QPCTL: variants seen among roughly 807,000 people sequenced by gnomAD.
QPCTL encodes the protein glutaminyl-peptide cyclotransferase like, also known as glutaminyl-peptide cyclotransferase-like protein.
Under a neutral mutation model 34.6 loss-of-function variants are expected in QPCTL, and 31 were observed. That is an observed-to-expected ratio of 0.90 (90% CI 0.67 to 1.21). The LOEUF (loss-of-function observed/expected upper bound fraction) is 1.21, where lower values mean the gene tolerates loss of function less well. Ranked by LOEUF, QPCTL falls within the 50% of genes most tolerant of loss-of-function variation. The probability of loss-of-function intolerance (pLI) is 0.00; values close to 1 mark genes in which losing one functional copy is unlikely to be tolerated. For synonymous variants in QPCTL, 223 were observed against 226.9 expected (o/e 0.98, Z 0.15); for missense variants, 474 against 507.8 (o/e 0.93, Z 0.64).
At position 45,698,879 on chromosome 19, in the gene QPCTL, T is replaced by C. The variant is rs780321628; in HGVS notation, c.865T>C (p.Phe289Leu). 2 of 1,613,930 alleles carry C rather than the reference T, an allele frequency of 1.2e-6. No individual in the cohort carries two copies. The highest frequency in any genetic ancestry group is 1.7e-6 in the Non-Finnish European group (2 of 1,179,860). ...CCACTTCCCTCGCACGGTCCGCTGG[T>C]TCCATCGGCTGAGGAGCATTGGTAA... The part of the protein sequence containing the change: ...YSHFPRTVRW[F>L]HRLRSIEKRL... The change falls in exon 5 of 7, where the codon TTC becomes CTC. Residue 289 changes from phenylalanine to leucine, a missense_variant. Physicochemically the swap from Phe to Leu is conservative, Grantham distance 22 (BLOSUM62 0). Transcript: ENST00000012049.
chr19:45,695,348 A>C, intron 2 of QPCTL, 89 bp from the exon 3 acceptor site: 1 of 1,250,280 alleles, frequency 8.0e-7, no homozygotes, highest in African/African-American at 1.5e-5. Flanking sequence ...GTGTCAACCC[A>C]TCTGCTCTGC....
In QPCTL at chr19:45,703,338, T is replaced by C. The variant is rs1967844899; in HGVS notation, c.*289T>C. Reference sequence around the variant, plus strand: ...GGTTTGCAGGGACCAAATACTGTTCTTTTTTTTTTTGAGACGGAGTCTCAC... The same window carrying C: ...GGTTTGCAGGGACCAAATACTGTTCCTTTTTTTTTTGAGACGGAGTCTCAC... On this transcript the variant is annotated 3_prime_UTR_variant, in exon 7 of 7. Coordinates refer to ENST00000012049, the MANE Select transcript of QPCTL (RefSeq NM_017659.4). The C allele has an allele frequency of 7.4e-6, 1 of 134,344 alleles. No homozygotes were observed. Among genetic ancestry groups the C allele is most frequent in the Non-Finnish European group, 1.5e-5 (1 of 68,930 alleles). The allele number at this position is 134,344 out of a possible 1,614,324, so 8.3% of individuals were successfully genotyped here. A position where few individuals can be genotyped will look rare whatever the true frequency, so the allele number is the denominator to read the frequency against.
chr19:45,694,459 T>TTTTTATTTTA lies in QPCTL; in HGVS notation c.351+923_351+932dup, dbSNP rs148422945. Reference sequence around the variant, plus strand: ...AGATTGTGACCTTGGACTGGTTTCTTTTTTATTTTATTTTATTTTATTTTA... The same window carrying TTTTTATTTTA: ...AGATTGTGACCTTGGACTGGTTTCTTTTTTATTTTATTTTATTTTATTTTATTTTATTTTA... On this transcript the variant is annotated intron_variant, in intron 2 of 6. Coordinates refer to ENST00000012049, the MANE Select transcript of QPCTL (RefSeq NM_017659.4). Among the ~76,000 whole-genome samples, 817 of 149,466 alleles carry TTTTTATTTTA rather than the reference T, an allele frequency of 5.5e-3. 5 individuals carry two copies. The highest frequency in any genetic ancestry group is 0.015 in the South Asian group (72 of 4,662).
rs559217074 is a variant in QPCTL, at chr19:45,695,821, C to T, written c.633+103C>T. The T allele has an allele frequency of 9.6e-4, 1,262 of 1,310,690 alleles. 18 individuals are homozygous for T. The South Asian group carries it at 0.012, about 12-fold the overall frequency. The allele number at this position is 1,310,690 out of a possible 1,614,324, so 81.2% of individuals were successfully genotyped here. A position where few individuals can be genotyped will look rare whatever the true frequency, so the allele number is the denominator to read the frequency against. On this transcript the variant is annotated intron_variant, in intron 3 of 6. Coordinates refer to ENST00000012049, the MANE Select transcript of QPCTL (RefSeq NM_017659.4). ...TTGTCATCCCTCTCGTCTTCCCACT[C>T]TACTCCACGCACAGAGCCACAGGGA... is the stretch of plus-strand genomic sequence containing the variant.
At position 45,693,455 on chromosome 19, in the gene QPCTL, G is replaced by T. The variant is rs751872773; in HGVS notation, c.250G>T (p.Val84Leu). 1.2e-6 allele frequency: 2 copies of T among 1,613,208 alleles called. No individual in the cohort carries two copies. The highest frequency in any genetic ancestry group is 1.7e-6 in the Non-Finnish European group (2 of 1,179,524). The change falls in exon 2 of 7, where the codon GTG becomes TTG. Residue 84 changes from valine to leucine, a missense_variant. Physicochemically the swap from Val to Leu is conservative, Grantham distance 32. Coordinates refer to ENST00000012049, the MANE Select transcript of QPCTL (RefSeq NM_017659.4). ...CCTCCCCGAAGCCCGGCTGCGGAGG[G>T]TGGTGGGACAACTGGATCCACAGCG... ...GSLPEARLRR[V>L]VGQLDPQRLW...
At chr19:45,696,364 G>T (rs566156482) in intron 3 of QPCTL, among the ~76,000 whole-genome samples, 1 of 151,762 alleles carries the variant, frequency 6.6e-6, no homozygotes, top group Admixed American at 6.6e-5. Context: ...AGGTTGAGGT[G>T]GGTGGATCAC....
At position 45,695,660 on chromosome 19, in the gene QPCTL, C is replaced by G. The variant is rs778413370; in HGVS notation, c.575C>G (p.Ala192Gly). The change falls in exon 3 of 7, where the codon GCC (alanine) becomes GGC (glycine). Residue 192 changes from alanine to glycine, a missense_variant. Physicochemically the swap from Ala to Gly is moderately conservative, Grantham distance 60. Coordinates refer to ENST00000012049, the MANE Select transcript of QPCTL (RefSeq NM_017659.4). ...GCCACGGATTCGGCTGTGCCCTGTG[C>G]CCTGCTGCTGGAGCTGGCCCAAGCA... The part of the protein sequence containing the change: ...VGATDSAVPC[A>G]LLLELAQALD... 1 of 1,613,684 alleles carries G rather than the reference C, an allele frequency of 6.2e-7. No homozygotes were observed. The highest frequency in any genetic ancestry group is 2.2e-5 in the East Asian group (1 of 44,844).
At chr19:45,702,808 T>G in intron 6 of QPCTL, 96 bp from the exon 7 acceptor site, 3 of 1,398,358 alleles carry the variant, frequency 2.1e-6, no homozygotes, top group Non-Finnish European at 3.0e-6. Context: ...TTCACCAGTG[T>G]GTGGTGGCAA....
Position 45,703,163 on chromosome 19 carries a change from T to C in QPCTL, c.*114T>C. Reference sequence around the variant, plus strand: ...TGCTGGTTTGTCCTTTTCATACCTTTGTCTCCTAATTGTGCTACAATTGGA... The same window carrying C: ...TGCTGGTTTGTCCTTTTCATACCTTCGTCTCCTAATTGTGCTACAATTGGA... On this transcript the variant is annotated 3_prime_UTR_variant, in exon 7 of 7. Coordinates refer to ENST00000012049, the MANE Select transcript of QPCTL (RefSeq NM_017659.4). 1 of 1,315,944 alleles carries C rather than the reference T, an allele frequency of 7.6e-7. No individual in the cohort carries two copies. The highest frequency in any genetic ancestry group is 1.1e-6 in the Non-Finnish European group (1 of 948,484). The allele number at this position is 1,315,944 out of a possible 1,614,324, so 81.5% of individuals were successfully genotyped here.
At chr19:45,698,766 G>T (rs1392552648) in intron 4 of QPCTL, 35 bp from the exon 5 acceptor site, 1 of 1,613,304 alleles carries the variant, frequency 6.2e-7, no homozygotes, top group Non-Finnish European at 8.5e-7. Flanking sequence ...GCGTCATCCT[G>T]CACGGGCCCC....
chr19:45,694,748 C>T (rs565668442), intron 2 of QPCTL, among the ~76,000 whole-genome samples: 181 of 152,110 alleles, frequency 1.2e-3, no homozygotes, highest in Admixed American at 2.4e-3. Context: ...GGATTACAGG[C>T]GTGAGCCACC....
At chr19:45,699,568 G>A (rs1036452529) in intron 5 of QPCTL, among the ~76,000 whole-genome samples, 5 of 151,990 alleles carry the variant, frequency 3.3e-5, no homozygotes, top group African/African-American at 1.2e-4. Context: ...AGAGGCAGGT[G>A]GATCACTTGA....
chr19:45,694,516 G>A (rs942521557), intron 2 of QPCTL, among the ~76,000 whole-genome samples: 1 of 151,426 alleles, frequency 6.6e-6, no homozygotes, highest in African/African-American at 2.4e-5. Context: ...TGTCGCCTGG[G>A]TTGGAGTGCA....
At chr19:45,700,818 G>C (rs1967795413) in intron 5 of QPCTL, among the ~76,000 whole-genome samples, 1 of 152,068 alleles carries the variant, frequency 6.6e-6, no homozygotes, top group African/African-American at 2.4e-5. Context: ...AATTAGCTGG[G>C]TGTGGTGGTG....
intron 2 of QPCTL, 32 bp from the exon 3 acceptor site, chr19:45,695,405 C>T (rs780821530): frequency 3.2e-6 from 5 of 1,586,632 alleles, no homozygotes; most frequent in South Asian, 2.3e-5. Flanking sequence ...CCCCAGTCCC[C>T]GTCCACCCTC....
rs999325121 is a variant in QPCTL, at chr19:45,693,551, A to G, written c.346A>G (p.Arg116Gly). Residue 116 changes from arginine (R) to glycine (G), a missense_variant, in exon 2 of 7, where the codon AGA (arginine) becomes GGA (glycine). Arg to Gly is a moderately radical substitution (Grantham distance 125). Coordinates refer to ENST00000012049, the MANE Select transcript of QPCTL (RefSeq NM_017659.4). ...GGGCAGCCCGGGAAATCTCCAAGTC[A>G]GAAAGGTAAAGGGACCCACCTCCAG... is the stretch of plus-strand genomic sequence containing the variant. ...TPGSPGNLQV[R>G]KFLEATLRSL... 6.2e-7 allele frequency: 1 copy of G among 1,611,330 alleles called. No individual in the cohort carries two copies. Among genetic ancestry groups the G allele is most frequent in the Non-Finnish European group, 8.5e-7 (1 of 1,178,472 alleles).
At chr19:45,694,977 A>C (rs904827360) in intron 2 of QPCTL, among the ~76,000 whole-genome samples, 2 of 152,088 alleles carry the variant, frequency 1.3e-5, no homozygotes, top group African/African-American at 4.8e-5. Flanking sequence ...AGCACTGTCA[A>C]GGGAATGATT....
At chr19:45,693,955 GAA>G (rs1026846589) in intron 2 of QPCTL, among the ~76,000 whole-genome samples, 3 of 152,162 alleles carry the variant, frequency 2.0e-5, no homozygotes, top group African/African-American at 7.2e-5. Context: ...AATCACCTGA[GAA>G]GTTTGAGACT....
At chr19:45,695,101 C>T (rs1967663312) in intron 2 of QPCTL, among the ~76,000 whole-genome samples, 1 of 151,948 alleles carries the variant, frequency 6.6e-6, no homozygotes, top group Non-Finnish European at 1.5e-5. Context: ...GGCTGGCCAA[C>T]ATTGTGAAAC....
Sources: gnomAD v4.1 joint callset for allele counts (sites outside exome capture counted in the v4.1 genomes callset) on GRCh38, gnomAD v4.1.1 for gene constraint, MANE v1.5 for transcripts, NCBI Gene and HGNC (gene_info 2026-07-23, HGNC 2026-07-21) for gene names.